The following COL16A1 variants were observed in gnomAD, a reference collection of about 807,000 sequenced individuals.
COL16A1 encodes the protein collagen alpha-1(XVI) chain.
A neutral mutation model predicts 266.3 loss-of-function variants in COL16A1; 189 were observed. That is an observed-to-expected ratio of 0.71 (90% confidence interval 0.63 to 0.80). The LOEUF (loss-of-function observed/expected upper bound fraction) is 0.80. Among genes scored for constraint, COL16A1 ranks in the 30% least tolerant of loss-of-function variants. The pLI, the probability that COL16A1 is intolerant of heterozygous loss-of-function variation, is 0.00. For missense variants in COL16A1, 1,928 were observed against 2,122.4 expected (o/e 0.91, Z 1.80); for synonymous variants, 740 against 782.3 (o/e 0.95, Z 0.90).
intron 64 of COL16A1, among the ~76,000 whole-genome samples, chr1:31,658,277 G>C (rs1641343000): frequency 6.6e-6 from 1 of 152,244 alleles, no homozygotes; most frequent in African/African-American, 2.4e-5. Context: ...ACCGTCATGG[G>C]CAGTGACCTC....
chr1:31,654,049 A>G lies in COL16A1; in HGVS notation c.4358-6T>C. 1.2e-6 allele frequency: 2 copies of G among 1,612,004 alleles called. No homozygotes were observed. Among genetic ancestry groups the G allele is most frequent in the East Asian group, 2.2e-5 (1 of 44,868 alleles). ...GGTGTAGTAAGCCATTCTCTCTGTA[A>G]AAAAAGGACAAGGACAGGGACAGGT... On this transcript the variant is annotated splice_region_variant and splice_polypyrimidine_tract_variant and intron_variant, in intron 68 of 70. Transcript: ENST00000373672.
rs7537167 is a variant in COL16A1, at chr1:31,657,800, C to T, written c.4020+688G>A. 0.043 allele frequency among the ~76,000 whole-genome samples: 6,608 copies of T among 152,306 alleles called. 165 individuals are homozygous for T. Among genetic ancestry groups the T allele is most frequent in the Middle Eastern group, 0.085 (25 of 294 alleles). On this transcript the variant is annotated intron_variant, in intron 64 of 70. Coordinates refer to ENST00000373672, the MANE Select transcript of COL16A1 (RefSeq NM_001856.4). This position sits in a 1 kb window ranked among gnomAD's most constrained non-coding sequence, Gnocchi z 6.4. ...AATCAGTTGCACCTGTTAGGGTTCA[C>T]CTGTCTGGAACTTTTGAGAGAGGTA...
chr1:31,702,062 A>T lies in COL16A1; in HGVS notation c.73+59T>A, dbSNP rs148409245. The T allele has an allele frequency of 1.4e-4, 219 of 1,611,600 alleles. No individual in the cohort carries two copies. The African/African-American group carries it at 2.5e-3, about 19-fold the overall frequency. On this transcript the variant is annotated intron_variant, in intron 2 of 70. Transcript: ENST00000373672. ...ATGGTCACATATGTGCAAGGACCCC[A>T]GCACCCCAGGATACCAGTTGCAGGC...
chr1:31,698,354 G>A lies in COL16A1; in HGVS notation c.390+129C>T. The A allele has an allele frequency of 1.3e-6, 2 of 1,531,336 alleles. No individual in the cohort carries two copies. The highest frequency in any genetic ancestry group is 1.8e-6 in the Non-Finnish European group (2 of 1,133,968). The allele number at this position is 1,531,336 out of a possible 1,614,324, so 94.9% of individuals were successfully genotyped here. On this transcript the variant is annotated intron_variant, in intron 5 of 70. Transcript: ENST00000373672. This position sits in a 1 kb window ranked among gnomAD's most constrained non-coding sequence, Gnocchi z 4.1. Reference sequence around the variant, plus strand: ...GAATGAGGTAGGTACTGGTGGGCTGGGGACAGGCTTGAGGGTAGGCACAGG... The same window carrying A: ...GAATGAGGTAGGTACTGGTGGGCTGAGGACAGGCTTGAGGGTAGGCACAGG...
At chr1:31,653,710 G>A (rs1640838601) in intron 69 of COL16A1, 34 bp from the exon 70 acceptor site, 1 of 1,600,764 alleles carries the variant, frequency 6.2e-7, no homozygotes, top group African/African-American at 1.3e-5. Flanking sequence ...TCCTATCCCT[G>A]AGCAGAAAAA....
Position 31,668,833 on chromosome 1 carries a change from A to G in COL16A1, c.3218T>C (p.Leu1073Pro). ...GLPGLQGERG[L>P]TGLTGDKGEP... Reference sequence around the variant, plus strand: ...CCCCTTGTCTCCAGTCAGGCCCGTGAGACCTCGCTCTCCTTGAAGGCCCTT... The same window carrying G: ...CCCCTTGTCTCCAGTCAGGCCCGTGGGACCTCGCTCTCCTTGAAGGCCCTT... Residue 1073 changes from leucine to proline, a missense_variant, in exon 50 of 71, where the codon CTC becomes CCC. This residue lies in a region of COL16A1 where 1,552 missense variants were observed against 1,637.2 expected (regional missense o/e 0.95). Transcript: ENST00000373672. The surrounding 1 kb of genome is among the most constrained non-coding windows in gnomAD (Gnocchi z 5.8). 6.2e-7 allele frequency: 1 copy of G among 1,613,744 alleles called. No homozygotes were observed. Among genetic ancestry groups the G allele is most frequent in the East Asian group, 2.2e-5 (1 of 44,854 alleles).
intron 37 of COL16A1, among the ~76,000 whole-genome samples, chr1:31,682,493 G>A (rs1007295285): frequency 7.9e-5 from 12 of 152,304 alleles, no homozygotes; most frequent in African/African-American, 1.2e-4. Flanking sequence ...AGAACACAGC[G>A]TTTCCATCCT....
Position 31,696,082 on chromosome 1 carries a change from C to T in COL16A1, c.918+6G>A, listed in dbSNP as rs751955275. On this transcript the variant is annotated splice_donor_region_variant and intron_variant, in intron 9 of 70. Coordinates refer to ENST00000373672, the MANE Select transcript of COL16A1 (RefSeq NM_001856.4). ...GGTAGGCTCCTCCCCCCACCCCCAC[C>T]TCTACCTTTGCTCCCCTTTCTGCCT... is the stretch of plus-strand genomic sequence containing the variant. The T allele has an allele frequency of 7.5e-6, 12 of 1,607,618 alleles. No individual in the cohort carries two copies. The highest frequency in any genetic ancestry group is 4.0e-5 in the African/African-American group (3 of 74,724).
chr1:31,658,542 C>A lies in COL16A1; in HGVS notation c.3966G>T (p.Arg1322Ser). The A allele has an allele frequency of 6.2e-7, 1 of 1,605,080 alleles. No homozygotes were observed. Among genetic ancestry groups the A allele is most frequent in the South Asian group, 1.1e-5 (1 of 88,608 alleles). ...LKGDRGATGE[R>S]GLAGLPGQPG... ...GCTGGCCTGGGAGGCCTGCAAGGCC[C>A]CTTTCTCCGGTGGCTCCTCGGTCTC... The change falls in exon 64 of 71, where the codon AGG becomes AGT. Residue 1322 changes from arginine to serine, a missense_variant. Transcript: ENST00000373672.
chr1:31,684,272 G>T, intron 31 of COL16A1, 41 bp from the exon 32 acceptor site: 1 of 1,453,538 alleles, frequency 6.9e-7, no homozygotes, highest in South Asian at 1.5e-5. Context: ...ATGAGCCGGG[G>T]CTGGCACCCA....
intron 59 of COL16A1, 55 bp downstream of exon 59, chr1:31,661,605 C>T: frequency 1.2e-6 from 2 of 1,612,538 alleles, no homozygotes; most frequent in African/African-American, 2.7e-5. Context: ...TTGCAGCCAC[C>T]CAGGCAGAAG....
chr1:31,690,562 C>T lies in COL16A1; in HGVS notation c.1449G>A (p.Gly483=), dbSNP rs1278482490. The change falls in exon 21 of 71, where the codon GGG becomes GGA. Residue 483 remains glycine, a synonymous_variant. Coordinates refer to ENST00000373672, the MANE Select transcript of COL16A1 (RefSeq NM_001856.4). ...PGPKGDKGSS[G]IPGKEGPGGK... ...CACCAGGGCCTTCCTTTCCTGGGATCCCCGAGCTGCCCTGTGGTCAGAAGA... is the reference window on the plus strand; with the variant it reads ...CACCAGGGCCTTCCTTTCCTGGGATTCCCGAGCTGCCCTGTGGTCAGAAGA... 1 of 1,613,708 alleles carries T rather than the reference C, an allele frequency of 6.2e-7. No homozygotes were observed. The highest frequency in any genetic ancestry group is 8.5e-7 in the Non-Finnish European group (1 of 1,179,864).
chr1:31,666,903 C>A (rs76837091), intron 52 of COL16A1, among the ~76,000 whole-genome samples: 6 of 152,186 alleles, frequency 3.9e-5, no homozygotes, highest in African/African-American at 4.8e-5. Flanking sequence ...CTCCCTCCCC[C>A]ACGGCAGGGC....
rs1419900520 is a variant in COL16A1 at position 31,652,682 on chromosome 1, G to A, written c.4784C>T (p.Pro1595Leu). 6.3e-7 allele frequency: 1 copy of A among 1,598,900 alleles called. No individual in the cohort carries two copies. The highest frequency in any genetic ancestry group is 8.5e-7 in the Non-Finnish European group (1 of 1,175,536). The change falls in exon 71 of 71, where the codon CCC becomes CTC. Residue 1595 changes from proline to leucine, a missense_variant. This residue lies in a region of COL16A1 where 376 missense variants were observed against 485.2 expected (regional missense o/e 0.77). Transcript: ENST00000373672. The surrounding 1 kb of genome is among the most constrained non-coding windows in gnomAD (Gnocchi z 4.8). ...GAMPMEQQYP[P>L]MKTMKGPFG Reference sequence around the variant, plus strand: ...AAAAGGCCCCTTCATGGTTTTCATGGGTGGGTACTGCTGCTCCATCGGCAT... The same window carrying A: ...AAAAGGCCCCTTCATGGTTTTCATGAGTGGGTACTGCTGCTCCATCGGCAT...
At chr1:31,665,562 C>G (rs1356803) in intron 55 of COL16A1, 21 bp downstream of exon 55, 827,654 of 1,613,756 alleles carry the variant, frequency 0.51, 221,671 homozygotes, top group South Asian at 0.56. Flanking sequence ...ACAGAGCTGG[C>G]TTTGTGTCTT....
rs1390386752 is a variant in COL16A1 at position 31,658,956 on chromosome 1, T to C, written c.3888A>G (p.Pro1296=). The C allele has an allele frequency of 4.6e-5, 72 of 1,554,100 alleles. No individual in the cohort carries two copies. Among genetic ancestry groups the C allele is most frequent in the Non-Finnish European group, 5.7e-5 (66 of 1,148,406 alleles). ...CTGGTCCTGGCTGGCCTGGAGGCCC[T>C]GGTGGCCCCTAAAGAGAGATGAGTC... ...RPGPPGHVGP[P]GPPGQPGPAG... Residue 1296 remains proline, a synonymous_variant, in exon 63 of 71, where the codon CCA becomes CCG. Transcript: ENST00000373672.
rs202243207 is a variant in COL16A1 at position 31,680,858 on chromosome 1, G to A, written c.2610+47C>T. 393 of 1,613,736 alleles carry A rather than the reference G, an allele frequency of 2.4e-4. No individual in the cohort carries two copies. The African/African-American group carries it at 4.3e-3, about 18-fold the overall frequency. The stretch of plus-strand genomic sequence containing the variant: ...CGGGTCACAGGTGGGAAGGCTGGAG[G>A]GGCTGCTAATCCCCTAGAATATGGG... On this transcript the variant is annotated intron_variant, in intron 39 of 70. Coordinates refer to ENST00000373672, the MANE Select transcript of COL16A1 (RefSeq NM_001856.4).
intron 48 of COL16A1, 88 bp downstream of exon 48, chr1:31,671,526 CT>C: frequency 6.4e-7 from 1 of 1,553,572 alleles, no homozygotes; most frequent in Admixed American, 1.8e-5. Context: ...CTTGCCCAGC[CT>C]TTTGGGGACA....
At chr1:31,679,104 A>G (rs1464009479) in intron 42 of COL16A1, 2 of 219,136 alleles carry the variant, frequency 9.1e-6, no homozygotes, top group East Asian at 1.0e-4. Context: ...CCCATTTTCT[A>G]TACTCACTCC....
Sources: allele counts gnomAD v4.1 joint callset (sites outside exome capture counted in the v4.1 genomes callset), GRCh38; gene constraint gnomAD v4.1.1; regional missense constraint gnomAD v4.1.1; non-coding constraint Gnocchi (gnomAD v3.1); transcripts MANE v1.5; gene names NCBI Gene and HGNC (gene_info 2026-07-23, HGNC 2026-07-21).